The following PON1 variants were observed in gnomAD, a reference collection of about 807,000 sequenced individuals.
PON1 encodes the protein serum paraoxonase/arylesterase 1.
PON1 carries 37 observed loss-of-function variants against 39.2 expected under a neutral mutation model. The observed-to-expected ratio is 0.94, with a 90% CI of 0.73 to 1.24. The LOEUF (loss-of-function observed/expected upper bound fraction) is 1.24, where lower values mean the gene tolerates loss of function less well. Among genes scored for constraint, PON1 ranks in the 50% most tolerant of loss-of-function variants. The probability of loss-of-function intolerance (pLI) is 0.00; values close to 1 mark genes in which losing one functional copy is unlikely to be tolerated. For synonymous variants in PON1, 148 were observed against 152.2 expected, an observed-to-expected ratio of 0.97 and a Z score of 0.21; for missense variants, 397 against 413.5, an observed-to-expected ratio of 0.96 and a Z score of 0.35.
At chr7:95,303,432 G>A (rs1807475114) in intron 7 of PON1, among the ~76,000 whole-genome samples, 1 of 152,210 alleles carries the variant, frequency 6.6e-6, no homozygotes, top group African/African-American at 2.4e-5. Flanking sequence ...CTTTGAATGA[G>A]GAAAATGTTT....
chr7:95,318,807 C>G (rs1807829403), intron 1 of PON1, among the ~76,000 whole-genome samples: 1 of 152,156 alleles, frequency 6.6e-6, no homozygotes, highest in Middle Eastern at 3.2e-3. Context: ...GACTCCGCAG[C>G]CTGGACTGGG....
chr7:95,318,497 T>C, intron 1 of PON1, 104 bp from the exon 2 acceptor site: 4 of 1,057,488 alleles, frequency 3.8e-6, no homozygotes, highest in Non-Finnish European at 5.7e-6. Flanking sequence ...GTACTTTGCC[T>C]GAGTTTCAAC....
intron 1 of PON1, among the ~76,000 whole-genome samples, chr7:95,321,190 G>A (rs1410015840): frequency 6.6e-6 from 1 of 152,108 alleles, no homozygotes; most frequent in Non-Finnish European, 1.5e-5. Flanking sequence ...CACTCCCAAG[G>A]AGGTCATTAA....
chr7:95,311,841 T>G (rs1807662332), intron 4 of PON1, among the ~76,000 whole-genome samples: 1 of 152,238 alleles, frequency 6.6e-6, no homozygotes, highest in South Asian at 2.1e-4. Flanking sequence ...TCACTGACAC[T>G]AAAACTCCAA....
At chr7:95,303,574 A>T (rs1321548260) in intron 7 of PON1, among the ~76,000 whole-genome samples, 1 of 152,142 alleles carries the variant, frequency 6.6e-6, no homozygotes, top group Non-Finnish European at 1.5e-5. Context: ...TTCAAGACAC[A>T]ATTACTGAGC....
intron 8 of PON1, among the ~76,000 whole-genome samples, chr7:95,300,127 T>TAAC (rs1392480942): frequency 6.6e-6 from 1 of 152,162 alleles, no homozygotes; most frequent in Non-Finnish European, 1.5e-5. Context: ...GTATCAATAA[T>TAAC]AACAGTGTAG....
At chr7:95,300,012 T>TATC (rs1394267049) in intron 8 of PON1, among the ~76,000 whole-genome samples, 8 of 151,558 alleles carry the variant, frequency 5.3e-5, no homozygotes. Flanking sequence ...CAAAAAACCA[T>TATC]ATCTGTGTAC....
At chr7:95,306,523 G>A (rs1314734331) in intron 6 of PON1, among the ~76,000 whole-genome samples, 157 bp from the exon 7 acceptor site, 1 of 152,206 alleles carries the variant, frequency 6.6e-6, no homozygotes, top group East Asian at 1.9e-4. Context: ...AACTCAGTGA[G>A]TTTACAGTGA....
chr7:95,308,058 T>C lies in PON1; in HGVS notation c.651A>G (p.Ala217=), dbSNP rs1807576475. The change falls in exon 6 of 9, where the codon GCA becomes GCG. Residue 217 remains alanine, a synonymous_variant. Transcript: ENST00000222381. Reference sequence around the variant, plus strand: ...TTCCATTAGCAAAATCAAATCCTTCTGCCACCACTCGAACTTCACTTGGAC... The same window carrying C: ...TTCCATTAGCAAAATCAAATCCTTCCGCCACCACTCGAACTTCACTTGGAC... The part of the protein sequence containing the change: ...YYSPSEVRVV[A]EGFDFANGIN... The C allele has an allele frequency of 6.2e-7, 1 of 1,614,162 alleles. No homozygotes were observed. The highest frequency in any genetic ancestry group is 2.2e-5 in the East Asian group (1 of 44,874).
Position 95,302,200 on chromosome 7 carries a change from C to G in PON1, c.909+5G>C, listed in dbSNP as rs756454941. 1.2e-5 allele frequency: 18 copies of G among 1,465,932 alleles called. No individual in the cohort carries two copies. The African/African-American group carries it at 2.0e-4, about 16-fold the overall frequency. 90.8% of individuals were successfully genotyped at this position (1,465,932 alleles called of 1,614,324 possible). On this transcript the variant is annotated splice_donor_5th_base_variant and intron_variant, in intron 8 of 8. Coordinates refer to ENST00000222381, the MANE Select transcript of PON1 (RefSeq NM_000446.7). ...TCACTTATCTGGTTCATTTTTAAAA[C>G]TTACCTCTGATGCAGGAGGATTCTC...
intron 8 of PON1, among the ~76,000 whole-genome samples, chr7:95,299,665 A>C (rs854554): frequency 6.6e-6 from 1 of 151,990 alleles, no homozygotes; most frequent in South Asian, 2.1e-4. Context: ...TCTTTCTCCC[A>C]TGCTGATGCT....
chr7:95,307,227 T>G (rs997379161), intron 6 of PON1, among the ~76,000 whole-genome samples: 16 of 151,984 alleles, frequency 1.1e-4, no homozygotes, highest in African/African-American at 3.9e-4. Flanking sequence ...GCCTGGCTAA[T>G]TTTTGTATTT....
rs1320750857 is a variant in PON1, at chr7:95,311,494, A to C, written c.454T>G (p.Ser152Ala). 6.2e-7 allele frequency: 1 copy of C among 1,613,852 alleles called. No individual in the cohort carries two copies. Among genetic ancestry groups the C allele is most frequent in the Admixed American group, 1.7e-5 (1 of 60,022 alleles). Residue 152 changes from serine (S) to alanine (A), a missense_variant, in exon 5 of 9, where the codon TCG (serine) becomes GCG (alanine). Transcript: ENST00000222381. ...ELFKFQEEEK[S>A]LLHLKTIRHK... Reference sequence around the variant, plus strand: ...CTGATGGTTTTTAGATGCAAAAGCGATTTTTCTTCTTCTTGAAATTTAAAC... The same window carrying C: ...CTGATGGTTTTTAGATGCAAAAGCGCTTTTTCTTCTTCTTGAAATTTAAAC...
Position 95,298,730 on chromosome 7 carries a change from G to GT in PON1, c.*213dup. The stretch of plus-strand genomic sequence containing the variant: ...GAGAAGGATTTTTATGGTAAATGAG[G>GT]TTTTCAAGTATTCCAAGACTGATTT... On this transcript the variant is annotated 3_prime_UTR_variant, in exon 9 of 9. Transcript: ENST00000222381. 1 of 612,166 alleles carries GT rather than the reference G, an allele frequency of 1.6e-6. No homozygotes were observed. Among genetic ancestry groups the GT allele is most frequent in the African/African-American group, 1.8e-5 (1 of 54,176 alleles). The allele number at this position is 612,166 out of a possible 1,614,324, so 37.9% of individuals were successfully genotyped here.
intron 1 of PON1, among the ~76,000 whole-genome samples, chr7:95,320,456 C>T (rs371890926): frequency 7.2e-5 from 11 of 152,202 alleles, no homozygotes; most frequent in African/African-American, 2.4e-4. Flanking sequence ...CATATCTCAA[C>T]AGGATAATCA....
intron 3 of PON1, 140 bp downstream of exon 3, chr7:95,316,594 T>C: frequency 3.8e-6 from 3 of 796,472 alleles, no homozygotes; most frequent in East Asian, 2.4e-5. Flanking sequence ...TGTAAATGCA[T>C]ACACAATTTG....
chr7:95,298,912 C>T lies in PON1; in HGVS notation c.*32G>A, dbSNP rs1479470437. 4 of 1,613,554 alleles carry T rather than the reference C, an allele frequency of 2.5e-6. No individual in the cohort carries two copies. Among genetic ancestry groups the T allele is most frequent in the Admixed American group, 3.3e-5 (2 of 60,006 alleles). ...TGGCAAGCGGTTGAAATAATGGCCT[C>T]AGTTTCTATGGCATGGGTGCAAATC... On this transcript the variant is annotated 3_prime_UTR_variant, in exon 9 of 9. Transcript: ENST00000222381.
intron 4 of PON1, among the ~76,000 whole-genome samples, chr7:95,314,441 AGAG>A (rs909690168): frequency 6.6e-6 from 1 of 151,968 alleles, no homozygotes; most frequent in Non-Finnish European, 1.5e-5. Flanking sequence ...GGAAGGGAAG[AGAG>A]GAGATTTGTT....
chr7:95,311,647 C>T (rs979523900), intron 4 of PON1, 70 bp from the exon 5 acceptor site: 13 of 1,527,172 alleles, frequency 8.5e-6, no homozygotes, highest in Non-Finnish European at 1.2e-5. Context: ...CTCCAAAAAC[C>T]AATTTCAACC....
Sources: gnomAD v4.1 joint callset for allele counts (sites outside exome capture counted in the v4.1 genomes callset) on GRCh38, gnomAD v4.1.1 for gene constraint, MANE v1.5 for transcripts, NCBI Gene and HGNC (gene_info 2026-07-23, HGNC 2026-07-21) for gene names.